Variants in TMEM243 observed in about 807,000 individuals in gnomAD.
TMEM243 encodes transmembrane protein 243.
In TMEM243, 20 loss-of-function variants were observed where a neutral mutation model predicts 15.0. The ratio of observed to expected loss-of-function variants is 1.33; its 90% CI spans 0.94 to 1.93. The LOEUF (loss-of-function observed/expected upper bound fraction) is 1.93. TMEM243 is among the 30% of genes most tolerant of loss of function. The pLI is 0.00. For synonymous variants in TMEM243, 72 were observed against 52.7 expected (o/e 1.37, Z -1.59); for missense variants, 156 against 142.1 (o/e 1.10, Z -0.50).
intron 1 of TMEM243, among the ~76,000 whole-genome samples, chr7:87,209,750 C>CAGAGCGAGACAGTG (rs1562885354): frequency 2.7e-4 from 7 of 26,116 alleles, no homozygotes; most frequent in South Asian, 1.5e-3. Context: ...GAGCGAGACA[C>CAGAGCGAGACAGTG]AGAGCGAGAC....
chr7:87,199,126 A>G, intron 1 of TMEM243, 69 bp from the exon 2 acceptor site: 1 of 1,292,538 alleles, frequency 7.7e-7, no homozygotes. Flanking sequence ...GTACAATGCA[A>G]GGCATTTGGA....
chr7:87,211,657 G>T (rs140911327), intron 1 of TMEM243, among the ~76,000 whole-genome samples: 4 of 152,310 alleles, frequency 2.6e-5, no homozygotes, highest in South Asian at 2.1e-4. Context: ...GTGGGAGAAG[G>T]TTTATTTTGA....
At chr7:87,196,857 G>C in intron 3 of TMEM243, 99 bp from the exon 4 acceptor site, 1 of 805,338 alleles carries the variant, frequency 1.2e-6, no homozygotes, top group Non-Finnish European at 1.9e-6. Context: ...CCCTAAATGA[G>C]ACAGACATTC....
chr7:87,213,928 TACCTTCTCCCCAA>T (rs1802936509), intron 1 of TMEM243, among the ~76,000 whole-genome samples: 1 of 152,188 alleles, frequency 6.6e-6, no homozygotes, highest in African/African-American at 2.4e-5. Flanking sequence ...TCAGTGTATG[TACCTTCTCCCCAA>T]ATCATTGACT....
chr7:87,207,748 A>G (rs1433624214), intron 1 of TMEM243, among the ~76,000 whole-genome samples: 1 of 152,198 alleles, frequency 6.6e-6, no homozygotes, highest in African/African-American at 2.4e-5. Flanking sequence ...TGATTCTACA[A>G]AAGTCTTTCT....
rs1399337414 is a variant in TMEM243 at position 87,219,610 on chromosome 7, C to A, written c.-107G>T. ...CCTCCTCCTCACGGCTCCCGCATAG[C>A]CGAACCCGAGTGGTCGGGGAAGCGC... On this transcript the variant is annotated 5_prime_UTR_variant, in exon 1 of 4. Transcript: ENST00000257637. 4.8e-6 allele frequency: 5 copies of A among 1,033,192 alleles called. No homozygotes were observed. The highest frequency in any genetic ancestry group is 5.8e-6 in the Non-Finnish European group (4 of 684,238). The allele number at this position is 1,033,192 out of a possible 1,614,324, so 64.0% of individuals were successfully genotyped here. A position where few individuals can be genotyped will look rare whatever the true frequency, so the allele number is the denominator to read the frequency against.
intron 1 of TMEM243, among the ~76,000 whole-genome samples, chr7:87,202,369 A>G (rs1457792729): frequency 6.6e-6 from 1 of 152,248 alleles, no homozygotes; most frequent in Non-Finnish European, 1.5e-5. Flanking sequence ...TGCTGTTACA[A>G]AAAATCAATG....
At chr7:87,210,343 A>G (rs926918972) in intron 1 of TMEM243, among the ~76,000 whole-genome samples, 2 of 152,148 alleles carry the variant, frequency 1.3e-5, no homozygotes, top group African/African-American at 2.4e-5. Context: ...AAAACCAATC[A>G]TGCCTTCCCA....
At chr7:87,205,956 GACAT>G (rs1478479886) in intron 1 of TMEM243, among the ~76,000 whole-genome samples, 1 of 152,168 alleles carries the variant, frequency 6.6e-6, no homozygotes, top group Non-Finnish European at 1.5e-5. Flanking sequence ...TGCTGATAAA[GACAT>G]ACCTGAGACT....
At chr7:87,215,680 C>T (rs1434374624) in intron 1 of TMEM243, among the ~76,000 whole-genome samples, 1 of 152,046 alleles carries the variant, frequency 6.6e-6, no homozygotes, top group Non-Finnish European at 1.5e-5. Flanking sequence ...AAGAGAAGTA[C>T]TATAGCACAA....
chr7:87,208,551 C>A (rs1039589537), intron 1 of TMEM243, among the ~76,000 whole-genome samples: 2 of 152,226 alleles, frequency 1.3e-5, no homozygotes, highest in Non-Finnish European at 2.9e-5. Context: ...CCAACCACTT[C>A]TAGATACCAG....
At chr7:87,208,427 A>G (rs1802380345) in intron 1 of TMEM243, among the ~76,000 whole-genome samples, 1 of 152,224 alleles carries the variant, frequency 6.6e-6, no homozygotes, top group African/African-American at 2.4e-5. Flanking sequence ...TATCCAGGTC[A>G]TGCTGATGCA....
At chr7:87,204,502 G>C (rs771021782) in intron 1 of TMEM243, among the ~76,000 whole-genome samples, 57 of 151,896 alleles carry the variant, frequency 3.8e-4, no homozygotes, top group Non-Finnish European at 5.9e-4. Flanking sequence ...GATAAAATGG[G>C]GGTACGGGCA....
At chr7:87,206,158 G>T (rs1684809576) in intron 1 of TMEM243, among the ~76,000 whole-genome samples, 2 of 152,082 alleles carry the variant, frequency 1.3e-5, no homozygotes, top group Admixed American at 1.3e-4. Context: ...GGGGGAAACT[G>T]CCCCCATGAT....
chr7:87,220,330 C>T (rs1037076352), upstream of TMEM243: 14 of 152,514 alleles, frequency 9.2e-5, no homozygotes, highest in African/African-American at 3.4e-4. Context: ...CCGCCTCGGC[C>T]CTGCCCATAT....
chr7:87,214,441 G>C (rs1414842563), intron 1 of TMEM243, among the ~76,000 whole-genome samples: 2 of 152,188 alleles, frequency 1.3e-5, no homozygotes, highest in Non-Finnish European at 2.9e-5. Context: ...GCAGAGGAAG[G>C]CGATTCATTG....
At chr7:87,212,542 G>GT (rs1479970035) in intron 1 of TMEM243, among the ~76,000 whole-genome samples, 1 of 152,146 alleles carries the variant, frequency 6.6e-6, no homozygotes, top group African/African-American at 2.4e-5. Context: ...CCAGACCTCA[G>GT]TTTAAGTTTT....
intron 1 of TMEM243, among the ~76,000 whole-genome samples, chr7:87,200,811 A>G (rs571481830): frequency 4.1e-4 from 63 of 152,256 alleles, no homozygotes; most frequent in Middle Eastern, 3.4e-3. Flanking sequence ...TCCTTTCCCT[A>G]TTTATGCTTC....
chr7:87,208,604 A>G (rs962148505), intron 1 of TMEM243, among the ~76,000 whole-genome samples: 5 of 152,138 alleles, frequency 3.3e-5, no homozygotes, highest in African/African-American at 4.8e-5. Flanking sequence ...CCTAACTACA[A>G]ATGTCAGTTT....
Sources: gnomAD v4.1 joint callset for allele counts (sites outside exome capture counted in the v4.1 genomes callset) on GRCh38, gnomAD v4.1.1 for gene constraint, MANE v1.5 for transcripts, NCBI Gene and HGNC (gene_info 2026-07-23, HGNC 2026-07-21) for gene names.